The following BPIFB1 variants were observed in gnomAD, a reference collection of about 807,000 sequenced individuals.
BPIFB1 encodes the protein BPI fold containing family B member 1, also known as BPI fold-containing family B member 1.
Under a neutral mutation model 55.1 loss-of-function variants are expected in BPIFB1, and 34 were observed. The ratio of observed to expected loss-of-function variants is 0.62; its 90% CI spans 0.47 to 0.82. The LOEUF (loss-of-function observed/expected upper bound fraction) is 0.82, where lower values mean the gene tolerates loss of function less well. Among genes scored for constraint, BPIFB1 ranks in the 40% least tolerant of loss-of-function variants. The probability of loss-of-function intolerance (pLI) is 0.00; values close to 1 mark genes in which losing one functional copy is unlikely to be tolerated. For synonymous variants in BPIFB1, 236 were observed against 245.3 expected, an observed-to-expected ratio of 0.96 and a Z score of 0.35; for missense variants, 532 against 593.1, an observed-to-expected ratio of 0.90 and a Z score of 1.07.
At chr20:33,284,134 G>C (rs553618375) in intron 1 of BPIFB1, among the ~76,000 whole-genome samples, 1 of 152,322 alleles carries the variant, frequency 6.6e-6, no homozygotes, top group South Asian at 2.1e-4. Context: ...CAAATAGATT[G>C]TCTCATTTAA....
intron 3 of BPIFB1, 63 bp from the exon 4 acceptor site, chr20:33,289,822 G>C: frequency 6.9e-7 from 1 of 1,458,146 alleles, no homozygotes; most frequent in Non-Finnish European, 9.6e-7. Flanking sequence ...AAGATAGAGA[G>C]GGAGTGGATT....
At chr20:33,287,756 C>T (rs1038221191) in intron 2 of BPIFB1, among the ~76,000 whole-genome samples, 5 of 152,132 alleles carry the variant, frequency 3.3e-5, no homozygotes, top group Admixed American at 1.3e-4. Flanking sequence ...TGTTAACTCA[C>T]GGGGAAGCTG....
chr20:33,303,850 C>T (rs1309432297), intron 11 of BPIFB1, 108 bp from the exon 12 acceptor site: 1 of 1,127,578 alleles, frequency 8.9e-7, no homozygotes, highest in South Asian at 1.3e-5. Flanking sequence ...TTGCCAAGGT[C>T]CCAGAGCCAG....
chr20:33,291,177 A>T, intron 5 of BPIFB1, 71 bp downstream of exon 5: 2 of 1,563,776 alleles, frequency 1.3e-6, no homozygotes, highest in Non-Finnish European at 1.7e-6. Context: ...GACTTCCCCC[A>T]TTTTACAAAT....
intron 11 of BPIFB1, 90 bp from the exon 12 acceptor site, chr20:33,303,868 G>A: frequency 7.5e-7 from 1 of 1,334,492 alleles, no homozygotes; most frequent in Non-Finnish European, 1.1e-6. Context: ...CAGGAACTGA[G>A]ATTCAGACCC....
intron 1 of BPIFB1, among the ~76,000 whole-genome samples, chr20:33,283,693 G>A (rs1980171178): frequency 6.6e-6 from 1 of 152,134 alleles, no homozygotes; most frequent in Non-Finnish European, 1.5e-5. Context: ...GTGATGTGTT[G>A]GTTGCAAAGC....
intron 15 of BPIFB1, among the ~76,000 whole-genome samples, chr20:33,308,267 T>C (rs1981099454): frequency 6.6e-6 from 1 of 152,050 alleles, no homozygotes; most frequent in Admixed American, 6.5e-5. Context: ...ACCTCCAACA[T>C]TGGGTTCTAC....
chr20:33,293,222 G>A (rs933865531), intron 6 of BPIFB1, among the ~76,000 whole-genome samples: 17 of 152,122 alleles, frequency 1.1e-4, no homozygotes, highest in Non-Finnish European at 1.9e-4. Flanking sequence ...TGTGCCTGGC[G>A]ACTTTTTTCT....
chr20:33,289,802 G>A, intron 3 of BPIFB1, 83 bp from the exon 4 acceptor site: 1 of 1,331,042 alleles, frequency 7.5e-7, no homozygotes, highest in South Asian at 1.2e-5. Context: ...GGCACCCCAG[G>A]GAGATGGAAA....
intron 13 of BPIFB1, 60 bp downstream of exon 13, chr20:33,304,951 A>G: frequency 1.3e-6 from 2 of 1,570,870 alleles, no homozygotes; most frequent in Non-Finnish European, 1.8e-6. Flanking sequence ...GTCCACTCTC[A>G]AAACAGATAT....
intron 6 of BPIFB1, among the ~76,000 whole-genome samples, chr20:33,295,880 A>T (rs1478484738): frequency 6.4e-5 from 8 of 125,662 alleles, no homozygotes; most frequent in Non-Finnish European, 1.0e-4. Context: ...GGGATTGGGA[A>T]GGGAAGGAAG....
chr20:33,305,732 C>A (rs992095089), intron 13 of BPIFB1, among the ~76,000 whole-genome samples: 1 of 152,106 alleles, frequency 6.6e-6, no homozygotes, highest in African/African-American at 2.4e-5. Context: ...AATTCAGCTG[C>A]AACAGAGTGG....
intron 6 of BPIFB1, among the ~76,000 whole-genome samples, chr20:33,295,754 G>C (rs999153692): frequency 4.9e-5 from 7 of 144,260 alleles, no homozygotes; most frequent in African/African-American, 1.6e-4. Flanking sequence ...GAGAGAGAGA[G>C]AAAGAGAGAG....
rs559890552 is a variant in BPIFB1 at position 33,306,997 on chromosome 20, T to G, written c.1395+10T>G. On this transcript the variant is annotated intron_variant, in intron 15 of 15. Transcript: ENST00000253354. ...GTCCTCACTGACCAAGGTGAGTGGG[T>G]GTGGCCCTAAACATCCTGCCCCAGG... is the stretch of plus-strand genomic sequence containing the variant. The G allele has an allele frequency of 6.2e-7, 1 of 1,612,962 alleles. No homozygotes were observed. Among genetic ancestry groups the G allele is most frequent in the East Asian group, 2.2e-5 (1 of 44,878 alleles).
At chr20:33,289,748 T>A (rs1980393870) in intron 3 of BPIFB1, 137 bp from the exon 4 acceptor site, 4 of 710,622 alleles carry the variant, frequency 5.6e-6, no homozygotes, top group Non-Finnish European at 7.6e-6. Flanking sequence ...CAAGACCATC[T>A]GGAGAGGAGT....
At chr20:33,291,182 A>G in intron 5 of BPIFB1, 76 bp downstream of exon 5, 1 of 1,544,402 alleles carries the variant, frequency 6.5e-7, no homozygotes, top group Non-Finnish European at 8.8e-7. Flanking sequence ...CCCCCATTTT[A>G]CAAATGGAGA....
At chr20:33,283,909 G>A (rs1980181441) in intron 1 of BPIFB1, among the ~76,000 whole-genome samples, 1 of 152,124 alleles carries the variant, frequency 6.6e-6, no homozygotes, top group African/African-American at 2.4e-5. Context: ...AAAGAGGACT[G>A]AGCAGTGTGT....
intron 12 of BPIFB1, 75 bp downstream of exon 12, chr20:33,304,100 C>A: frequency 7.2e-7 from 1 of 1,385,454 alleles, no homozygotes; most frequent in South Asian, 1.2e-5. Flanking sequence ...TTTCTTTAAA[C>A]ACCGACTTTG....
rs141422958 is a variant in BPIFB1 at position 33,300,054 on chromosome 20, T to C, written c.747+70T>C. The C allele has an allele frequency of 4.5e-6, 6 of 1,332,506 alleles. No individual in the cohort carries two copies. In the Admixed American group the frequency reaches 5.1e-5, roughly 11 times the overall value. The allele number at this position is 1,332,506 out of a possible 1,614,324, so 82.5% of individuals were successfully genotyped here. ...CCTTCTCTGACCACCAGGAGTCAGA[T>C]AGCATGGGCCTGTGTTAGGAGAGAA... is the stretch of plus-strand genomic sequence containing the variant. On this transcript the variant is annotated intron_variant, in intron 8 of 15. Coordinates refer to ENST00000253354, the MANE Select transcript of BPIFB1 (RefSeq NM_033197.3).
Sources: allele counts gnomAD v4.1 joint callset (sites outside exome capture counted in the v4.1 genomes callset), GRCh38; gene constraint gnomAD v4.1.1; transcripts MANE v1.5; gene names NCBI Gene and HGNC (gene_info 2026-07-23, HGNC 2026-07-21).